The following ATP10B variants were observed in gnomAD, a reference collection of about 807,000 sequenced individuals.
The protein encoded by ATP10B is ATPase phospholipid transporting 10B (putative), also known as phospholipid-transporting ATPase VB.
A neutral mutation model predicts 141.2 loss-of-function variants in ATP10B; 122 were observed. The observed-to-expected ratio is 0.86, with a 90% CI of 0.75 to 1.00. ATP10B has a LOEUF of 1.00. ATP10B is among the 50% of genes least tolerant of loss of function. The pLI, the probability that ATP10B is intolerant of heterozygous loss-of-function variation, is 0.00. For missense variants in ATP10B, 1,876 were observed against 1,825.3 expected (o/e 1.03, Z -0.51); for synonymous variants, 685 against 692.0 (o/e 0.99, Z 0.16).
intron 2 of ATP10B, among the ~76,000 whole-genome samples, chr5:160,759,707 C>G (rs1297530531): frequency 6.6e-6 from 1 of 152,298 alleles, no homozygotes; most frequent in East Asian, 1.9e-4. Flanking sequence ...TGTGCTCCCT[C>G]CAAGCATGCC....
At chr5:160,807,631 A>T (rs1316124534) in intron 1 of ATP10B, among the ~76,000 whole-genome samples, 1 of 152,236 alleles carries the variant, frequency 6.6e-6, no homozygotes, top group Non-Finnish European at 1.5e-5. Context: ...AAACTGATGG[A>T]GGAAGGATGG....
intron 25 of ATP10B, among the ~76,000 whole-genome samples, chr5:160,566,723 A>G (rs1238959185): frequency 6.6e-6 from 1 of 152,210 alleles, no homozygotes; most frequent in Non-Finnish European, 1.5e-5. Flanking sequence ...CGGTGTATGG[A>G]GAAAATATAC....
chr5:160,612,611 T>G (rs1757776087), intron 18 of ATP10B, 130 bp downstream of exon 18: 2 of 701,742 alleles, frequency 2.9e-6, no homozygotes, highest in East Asian at 5.6e-5. Flanking sequence ...ACTCCAAGAT[T>G]CAGTGATCTG....
intron 1 of ATP10B, among the ~76,000 whole-genome samples, chr5:160,825,789 T>TA (rs1774554541): frequency 1.3e-5 from 2 of 152,180 alleles, no homozygotes; most frequent in Non-Finnish European, 2.9e-5. Context: ...TTTCAACACA[T>TA]ACTCCTCTTC....
At chr5:160,888,981 T>C in the ATP10B span, among the ~76,000 whole-genome samples, 1 of 152,178 alleles carries the variant, frequency 6.6e-6, no homozygotes, top group East Asian at 1.9e-4. Flanking sequence ...CTCACATTGT[T>C]AATGTCACAA....
chr5:160,724,185 A>G (rs752265632), intron 2 of ATP10B, among the ~76,000 whole-genome samples: 1 of 151,624 alleles, frequency 6.6e-6, no homozygotes, highest in Non-Finnish European at 1.5e-5. Flanking sequence ...GGCTTAGTAC[A>G]TGGGTAATGA....
chr5:160,923,532 A>G, the ATP10B span, among the ~76,000 whole-genome samples: 1 of 152,240 alleles, frequency 6.6e-6, no homozygotes, highest in African/African-American at 2.4e-5. Context: ...AGAGCTGACC[A>G]AAATAAATGC....
the ATP10B span, among the ~76,000 whole-genome samples, chr5:160,902,959 G>A: frequency 2.8e-3 from 432 of 152,318 alleles, 4 homozygotes; most frequent in African/African-American, 9.7e-3. Flanking sequence ...ACGGGTGCAC[G>A]TGAGAACCTG....
intron 7 of ATP10B, among the ~76,000 whole-genome samples, chr5:160,656,178 T>C (rs1401348468): frequency 6.6e-6 from 1 of 152,254 alleles, no homozygotes. Context: ...GAATGATCTT[T>C]TGAAATTGTT....
intron 3 of ATP10B, chr5:160,691,879 T>C (rs1039017385): frequency 1.3e-5 from 2 of 152,216 alleles, no homozygotes; most frequent in Non-Finnish European, 2.9e-5. Flanking sequence ...AGCAACCTTA[T>C]AACATTTAGC....
the ATP10B span, among the ~76,000 whole-genome samples, chr5:160,880,481 A>G: frequency 1.6e-4 from 24 of 152,224 alleles, no homozygotes; most frequent in South Asian, 4.3e-3. Context: ...AGAATAGACA[A>G]CAGAATATGG....
chr5:160,898,399 C>T, the ATP10B span, among the ~76,000 whole-genome samples: 1 of 152,174 alleles, frequency 6.6e-6, no homozygotes, highest in Non-Finnish European at 1.5e-5. Flanking sequence ...AAAAAAAGCT[C>T]ATAATCACTG....
chr5:160,863,463 C>G, the ATP10B span, among the ~76,000 whole-genome samples: 2 of 151,796 alleles, frequency 1.3e-5, no homozygotes, highest in African/African-American at 4.8e-5. Flanking sequence ...GCAAAAGCTG[C>G]GTTAAGAGGA....
At chr5:160,720,816 C>T (rs149484039) in intron 2 of ATP10B, among the ~76,000 whole-genome samples, 4 of 152,336 alleles carry the variant, frequency 2.6e-5, no homozygotes, top group Non-Finnish European at 5.9e-5. Flanking sequence ...TTGGTCAGCA[C>T]TGTAGCTTTG....
intron 18 of ATP10B, 68 bp from the exon 19 acceptor site, chr5:160,607,154 T>C (rs1757441725): frequency 1.5e-6 from 2 of 1,332,240 alleles, no homozygotes; most frequent in South Asian, 1.4e-5. Flanking sequence ...AATTTCAGTT[T>C]ATTCTTTAGT....
chr5:160,813,670 C>T lies in ATP10B; in HGVS notation c.-575-27867G>A, dbSNP rs189349067. On this transcript the variant is annotated intron_variant, in intron 1 of 25. Transcript: ENST00000327245. ...CAGCACGCAGCTGGAGATCTGAGAA[C>T]GGACAGACTGCCTCCTCAAGTGGGT... 3.9e-3 allele frequency among the ~76,000 whole-genome samples: 588 copies of T among 152,328 alleles called. 2 individuals are homozygous for T. Among genetic ancestry groups the T allele is most frequent in the Admixed American group, 5.9e-3 (90 of 15,302 alleles).
chr5:160,914,851 C>T, the ATP10B span, among the ~76,000 whole-genome samples: 481 of 152,296 alleles, frequency 3.2e-3, 5 homozygotes, highest in African/African-American at 0.011. Context: ...AAAAATTCCT[C>T]TCCGAGTTCA....
In ATP10B at chr5:160,719,118, C is replaced by T. The variant is rs965550344; in HGVS notation, c.-330-2084G>A. 3.3e-5 allele frequency among the ~76,000 whole-genome samples: 5 copies of T among 152,038 alleles called. 1 individual carries two copies. The highest frequency in any genetic ancestry group is 5.9e-5 in the Non-Finnish European group (4 of 67,966). On this transcript the variant is annotated intron_variant, in intron 2 of 25. Transcript: ENST00000327245. ...GGGTTTTTACCATTAAAAGTAATGG[C>T]GGCCGGGCACGGTGGCTCACGCCTG...
chr5:160,680,733 T>C (rs989159153), intron 6 of ATP10B, among the ~76,000 whole-genome samples: 1 of 152,212 alleles, frequency 6.6e-6, no homozygotes, highest in Non-Finnish European at 1.5e-5. Context: ...GACTTCATGC[T>C]GGGCTCTGTG....
Sources: allele counts gnomAD v4.1 joint callset (sites outside exome capture counted in the v4.1 genomes callset), GRCh38; gene constraint gnomAD v4.1.1; transcripts MANE v1.5; gene names NCBI Gene and HGNC (gene_info 2026-07-23, HGNC 2026-07-21).